PCNX2: variants seen among roughly 807,000 people sequenced by gnomAD.
PCNX2 encodes pecanex 2.
Under a neutral mutation model 223.8 loss-of-function variants are expected in PCNX2, and 168 were observed. That is an observed-to-expected ratio of 0.75 (90% CI 0.66 to 0.85). PCNX2 has a LOEUF of 0.85. Among genes scored for constraint, PCNX2 ranks in the 40% least tolerant of loss-of-function variants. PCNX2 has a pLI of 0.00. For synonymous variants in PCNX2, 1,006 were observed against 1,052.6 expected (o/e 0.96, Z 0.86); for missense variants, 2,507 against 2,675.5 (o/e 0.94, Z 1.39).
chr1:233,069,643 G>T (rs941876140), intron 23 of PCNX2, among the ~76,000 whole-genome samples: 1 of 149,824 alleles, frequency 6.7e-6, no homozygotes, highest in African/African-American at 2.5e-5. Flanking sequence ...AATAGAAATG[G>T]AAACACACAC....
intron 1 of PCNX2, among the ~76,000 whole-genome samples, chr1:233,293,058 C>T (rs1661863607): frequency 6.6e-6 from 1 of 152,016 alleles, no homozygotes; most frequent in Non-Finnish European, 1.5e-5. Flanking sequence ...GGACAATTTC[C>T]TACTCACAAA....
intron 15 of PCNX2, among the ~76,000 whole-genome samples, chr1:233,189,927 A>G (rs146474000): frequency 3.3e-5 from 5 of 152,178 alleles, no homozygotes; most frequent in Non-Finnish European, 7.3e-5. Context: ...ATTTAAGTCA[A>G]TGAGGGAGTC....
At chr1:233,117,854 C>CA (rs1412777524) in intron 21 of PCNX2, among the ~76,000 whole-genome samples, 1 of 150,470 alleles carries the variant, frequency 6.6e-6, no homozygotes, top group Non-Finnish European at 1.5e-5. Context: ...ACTAAAAATA[C>CA]AAAAAATTAG....
the PCNX2 span, among the ~76,000 whole-genome samples, chr1:233,304,919 G>T: frequency 2.7e-4 from 41 of 152,118 alleles, no homozygotes; most frequent in Middle Eastern, 3.4e-3. Context: ...TTATTTTTAG[G>T]TTATTTTTCC....
At chr1:233,025,035 C>T (rs764126222) in intron 26 of PCNX2, 111 bp downstream of exon 26, 110 of 1,418,756 alleles carry the variant, frequency 7.8e-5, no homozygotes, top group Non-Finnish European at 1.0e-4. Context: ...GTTTCCAATT[C>T]GGAAGCTGAG....
In PCNX2 at chr1:233,017,369, G is replaced by C. The variant is rs549608021; in HGVS notation, c.4606-215C>G. Among the ~76,000 whole-genome samples, 9 of 135,952 alleles carry C rather than the reference G, an allele frequency of 6.6e-5. No homozygotes were observed. The South Asian group carries it at 1.4e-3, about 22-fold the overall frequency. The allele number at this position is 135,952 out of a possible 152,430, so 89.2% of individuals were successfully genotyped here. The stretch of plus-strand genomic sequence containing the variant: ...GTCTTGCTCTGTCACCCAGGCTGGA[G>C]TGCAGCGGTGCGATCTCGGCTCACT... On this transcript the variant is annotated intron_variant, in intron 26 of 33. Coordinates refer to ENST00000258229, the MANE Select transcript of PCNX2 (RefSeq NM_014801.4).
intron 15 of PCNX2, among the ~76,000 whole-genome samples, chr1:233,190,319 T>C (rs895349955): frequency 1.3e-4 from 20 of 152,164 alleles, no homozygotes; most frequent in African/African-American, 4.1e-4. Context: ...GGGAGTTTGA[T>C]TGAAGATGGG....
At chr1:233,273,054 T>C (rs1660726564) in intron 1 of PCNX2, among the ~76,000 whole-genome samples, 1 of 151,780 alleles carries the variant, frequency 6.6e-6, no homozygotes, top group Non-Finnish European at 1.5e-5. Flanking sequence ...TGTATACTGC[T>C]TGGGTGATGG....
In PCNX2 at chr1:233,259,143, C is replaced by A. The variant is rs374667682; in HGVS notation, c.719G>T (p.Arg240Leu). Reference protein sequence around the residue: ...ERGGKGQPPLRHRSEGGLVDK... With the variant: ...ERGGKGQPPLLHRSEGGLVDK... ...CACTAAGCCACCCTCGGATCTGTGG[C>A]GCAAAGGAGGCTGCCCCTTGCCTCC... is the stretch of plus-strand genomic sequence containing the variant. Residue 240 changes from arginine to leucine, a missense_variant, in exon 5 of 34, where the codon CGC becomes CTC. Arg to Leu is a moderately radical substitution (Grantham distance 102). Around this residue, in one of 3 missense-constraint regions of PCNX2, gnomAD observed 1,031 missense variants for 1,021.7 expected, o/e 1.01. Transcript: ENST00000258229. The A allele has an allele frequency of 1.9e-6, 3 of 1,613,850 alleles. No individual in the cohort carries two copies. The African/African-American group carries it at 4.0e-5, about 22-fold the overall frequency.
rs1681635859 is a variant in PCNX2, at chr1:233,208,754, G to A, written c.2692-65C>T. The A allele has an allele frequency of 3.2e-6, 4 of 1,242,128 alleles. No homozygotes were observed. In the East Asian group the frequency reaches 1.8e-4, roughly 54 times the overall value. The allele number at this position is 1,242,128 out of a possible 1,614,324, so 76.9% of individuals were successfully genotyped here. ...TTGATTAAATGAAAAAAGCCTCATA[G>A]TCAATAATTTACACTATATCATATA... On this transcript the variant is annotated intron_variant, in intron 12 of 33. Transcript: ENST00000258229.
At chr1:233,108,657 G>T (rs1276975850) in intron 21 of PCNX2, among the ~76,000 whole-genome samples, 1 of 152,210 alleles carries the variant, frequency 6.6e-6, no homozygotes, top group Non-Finnish European at 1.5e-5. Flanking sequence ...AACAAAAATT[G>T]TAATCTGTGG....
intron 1 of PCNX2, among the ~76,000 whole-genome samples, chr1:233,270,241 T>C (rs1660574730): frequency 6.6e-6 from 1 of 152,228 alleles, no homozygotes; most frequent in Admixed American, 6.5e-5. Flanking sequence ...CGTTTATATA[T>C]GTGAAGGGAG....
the PCNX2 span, among the ~76,000 whole-genome samples, chr1:233,311,700 A>C: frequency 1.3e-5 from 2 of 152,264 alleles, no homozygotes; most frequent in South Asian, 4.1e-4. Flanking sequence ...AAGAAACAAT[A>C]AAAATAAACA....
the PCNX2 span, among the ~76,000 whole-genome samples, chr1:233,307,953 C>T: frequency 6.6e-6 from 1 of 152,166 alleles, no homozygotes; most frequent in Non-Finnish European, 1.5e-5. Flanking sequence ...ACAACATTCA[C>T]GTGAGTCTTC....
chr1:233,120,865 AT>A (rs760488981), intron 21 of PCNX2, among the ~76,000 whole-genome samples: 1 of 151,956 alleles, frequency 6.6e-6, no homozygotes, highest in African/African-American at 2.4e-5. Context: ...AACAAAAACA[AT>A]TTTTTTTAAA....
intron 23 of PCNX2, among the ~76,000 whole-genome samples, chr1:233,079,554 T>C (rs982397739): frequency 6.9e-6 from 1 of 145,562 alleles, no homozygotes. Context: ...AAGTAAAAGG[T>C]AAGGGAGAAG....
At chr1:233,319,386 G>C in the PCNX2 span, among the ~76,000 whole-genome samples, 1 of 152,190 alleles carries the variant, frequency 6.6e-6, no homozygotes, top group Non-Finnish European at 1.5e-5. Flanking sequence ...ATCTTTTCTG[G>C]TATTAGCTAC....
At chr1:233,123,229 T>A (rs752480266) in intron 21 of PCNX2, among the ~76,000 whole-genome samples, 7 of 152,176 alleles carry the variant, frequency 4.6e-5, no homozygotes, top group Non-Finnish European at 8.8e-5. Flanking sequence ...ATATGGGAAT[T>A]CTCTATACTA....
chr1:233,188,651 T>C (rs2102874419), intron 15 of PCNX2, among the ~76,000 whole-genome samples: 1 of 152,164 alleles, frequency 6.6e-6, no homozygotes, highest in African/African-American at 2.4e-5. Flanking sequence ...ACCTCCCAAG[T>C]AGCTGGGATT....
Sources: gnomAD v4.1 joint callset for allele counts (sites outside exome capture counted in the v4.1 genomes callset) on GRCh38, gnomAD v4.1.1 for gene constraint, gnomAD v4.1.1 regional missense constraint, MANE v1.5 for transcripts, NCBI Gene and HGNC (gene_info 2026-07-23, HGNC 2026-07-21) for gene names.